Variants in PTK2 observed in about 807,000 individuals in gnomAD.
PTK2 encodes protein tyrosine kinase 2.
In PTK2, 45 loss-of-function variants were observed where a neutral mutation model predicts 150.1. That is an observed-to-expected ratio of 0.30 (90% CI 0.24 to 0.38). The LOEUF is 0.38. Ranked by LOEUF, PTK2 falls within the 10% of genes least tolerant of loss-of-function variation. PTK2 has a pLI of 1.00. For missense variants in PTK2, 919 were observed against 1,307.3 expected (o/e 0.70, Z 4.58); for synonymous variants, 432 against 449.2 (o/e 0.96, Z 0.48).
chr8:140,992,633 T>A (rs1451597848), intron 1 of PTK2, among the ~76,000 whole-genome samples: 5 of 152,196 alleles, frequency 3.3e-5, no homozygotes, highest in Non-Finnish European at 7.3e-5. Flanking sequence ...CCCTGGAGCT[T>A]ACTGGAACGT....
At chr8:140,943,308 T>A (rs1247931698) in intron 1 of PTK2, among the ~76,000 whole-genome samples, 1 of 152,246 alleles carries the variant, frequency 6.6e-6, no homozygotes, top group Non-Finnish European at 1.5e-5. Flanking sequence ...CAGATTTGAC[T>A]TACCAAAATG....
chr8:140,881,683 T>G (rs900076890), intron 3 of PTK2, among the ~76,000 whole-genome samples: 1 of 152,204 alleles, frequency 6.6e-6, no homozygotes, highest in Non-Finnish European at 1.5e-5. Context: ...TTCTCATAAT[T>G]GTCACCATTC....
chr8:140,685,325 T>TAG (rs1429236283), intron 27 of PTK2, among the ~76,000 whole-genome samples: 1 of 152,198 alleles, frequency 6.6e-6, no homozygotes, highest in Non-Finnish European at 1.5e-5. Flanking sequence ...ATTCTGGACA[T>TAG]AGGCCCTTGC....
At chr8:140,698,136 C>A (rs2100027982) in intron 26 of PTK2, among the ~76,000 whole-genome samples, 1 of 152,074 alleles carries the variant, frequency 6.6e-6, no homozygotes, top group Non-Finnish European at 1.5e-5. Flanking sequence ...CCCCCAAGTC[C>A]CCCTAGTGAC....
intron 22 of PTK2, chr8:140,718,143 A>T (rs1322631976): frequency 6.2e-6 from 1 of 161,680 alleles, no homozygotes; most frequent in African/African-American, 2.4e-5. Flanking sequence ...TCAATTAGCA[A>T]TCTGGCCAAT....
At chr8:140,969,382 C>G (rs767434092) in intron 1 of PTK2, among the ~76,000 whole-genome samples, 4 of 152,158 alleles carry the variant, frequency 2.6e-5, no homozygotes, top group Non-Finnish European at 5.9e-5. Context: ...TATAAACAAG[C>G]ACACACACAA....
chr8:140,899,131 T>C (rs1222020694), intron 2 of PTK2, among the ~76,000 whole-genome samples: 1 of 152,238 alleles, frequency 6.6e-6, no homozygotes, highest in East Asian at 1.9e-4. Context: ...AATTACTTAA[T>C]GTTTAATATG....
chr8:140,770,296 T>C (rs1241950869), intron 14 of PTK2, among the ~76,000 whole-genome samples: 1 of 152,204 alleles, frequency 6.6e-6, no homozygotes, highest in East Asian at 1.9e-4. Flanking sequence ...CCTAAATATC[T>C]GTCCCCAAAG....
intron 9 of PTK2, 133 bp from the exon 10 acceptor site, chr8:140,818,487 T>A (rs1199567045): frequency 2.7e-6 from 2 of 730,182 alleles, no homozygotes; most frequent in East Asian, 5.4e-5. Flanking sequence ...TCTAACCAAA[T>A]AAGATAAAAT....
Position 140,925,652 on chromosome 8 carries a change from T to C in PTK2, c.-33+9A>G, listed in dbSNP as rs2100169160. 1 of 985,174 alleles carries C rather than the reference T, an allele frequency of 1.0e-6. No homozygotes were observed. The highest frequency in any genetic ancestry group is 1.2e-6 in the Non-Finnish European group (1 of 829,798). 61.0% of individuals were successfully genotyped at this position (985,174 alleles called of 1,614,324 possible). ...CTTTCTTTGCAAAGTTTCTTAACCATTACTATACCTCCCTTCCGTTATTCT... is the reference window on the plus strand; with the variant it reads ...CTTTCTTTGCAAAGTTTCTTAACCACTACTATACCTCCCTTCCGTTATTCT... On this transcript the variant is annotated intron_variant, in intron 2 of 31. Transcript: ENST00000522684.
intron 10 of PTK2, among the ~76,000 whole-genome samples, chr8:140,810,884 T>C (rs913135667): frequency 9.2e-5 from 14 of 152,156 alleles, no homozygotes; most frequent in African/African-American, 3.4e-4. Flanking sequence ...CACACAGACC[T>C]GGGCCTGCCA....
At chr8:140,670,490 C>CA (rs1215553082) in intron 29 of PTK2, among the ~76,000 whole-genome samples, 17 of 13,422 alleles carry the variant, frequency 1.3e-3, no homozygotes, top group East Asian at 3.5e-3. Context: ...AAAACAACAA[C>CA]ACACACACAC....
At chr8:140,937,514 T>C (rs536161647) in intron 1 of PTK2, among the ~76,000 whole-genome samples, 1 of 151,926 alleles carries the variant, frequency 6.6e-6, no homozygotes, top group East Asian at 1.9e-4. Flanking sequence ...GGAACCACCT[T>C]TGACTACAGG....
intron 1 of PTK2, among the ~76,000 whole-genome samples, chr8:140,936,054 T>C (rs559981966): frequency 2.6e-5 from 4 of 152,260 alleles, no homozygotes; most frequent in South Asian, 2.1e-4. Flanking sequence ...CATGCATCTG[T>C]AGTCCCGGCT....
chr8:140,722,255 GATCCACTGTGCCTGGCCA>G (rs1025635421), intron 22 of PTK2, among the ~76,000 whole-genome samples: 11 of 152,114 alleles, frequency 7.2e-5, no homozygotes, highest in Admixed American at 2.0e-4. Context: ...TTATAGGTGT[GATCCACTGTGCCTGGCCA>G]ATTTCTTTTT....
rs1297959582 is a variant in PTK2, at chr8:140,793,390, G to C, written c.1094-6C>G. On this transcript the variant is annotated splice_region_variant and splice_polypyrimidine_tract_variant and intron_variant, in intron 12 of 31. Transcript: ENST00000522684. ...TGGCAAAGCCCGTTCACCTTCTGCG[G>C]GGAAAAAGAAAAGAGATGCATAAGG... 2 of 1,608,760 alleles carry C rather than the reference G, an allele frequency of 1.2e-6. No individual in the cohort carries two copies. The highest frequency in any genetic ancestry group is 8.5e-7 in the Non-Finnish European group (1 of 1,178,570).
At chr8:140,899,935 GTACAGAAGGAA>G (rs762171534) in intron 2 of PTK2, among the ~76,000 whole-genome samples, 85 of 152,010 alleles carry the variant, frequency 5.6e-4, no homozygotes, top group Non-Finnish European at 1.0e-3. Flanking sequence ...AAAAAATAGG[GTACAGAAGGAA>G]TATATCTCAA....
chr8:140,940,931 T>C (rs907259360), intron 1 of PTK2, among the ~76,000 whole-genome samples: 1 of 151,916 alleles, frequency 6.6e-6, no homozygotes, highest in Non-Finnish European at 1.5e-5. Context: ...GACCACACCA[T>C]TGCATTCCAG....
At chr8:140,911,628 A>G (rs2100163199) in intron 2 of PTK2, among the ~76,000 whole-genome samples, 2 of 152,186 alleles carry the variant, frequency 1.3e-5, no homozygotes, top group South Asian at 4.1e-4. Flanking sequence ...CTCCATCCTT[A>G]TGACTACCAC....
Sources: allele counts gnomAD v4.1 joint callset (sites outside exome capture counted in the v4.1 genomes callset), GRCh38; gene constraint gnomAD v4.1.1; transcripts MANE v1.5; gene names NCBI Gene and HGNC (gene_info 2026-07-23, HGNC 2026-07-21).